CADM2: variants seen among roughly 807,000 people sequenced by gnomAD.
CADM2 encodes the protein immunoglobulin superfamily member 4D.
In CADM2, 12 loss-of-function variants were observed where a neutral mutation model predicts 49.8. That is an observed-to-expected ratio of 0.24 (90% confidence interval 0.15 to 0.39). The LOEUF (loss-of-function observed/expected upper bound fraction) is 0.39. CADM2 is among the 10% of genes least tolerant of loss of function. CADM2 has a pLI of 1.00. For missense variants in CADM2, 378 were observed against 492.3 expected, an observed-to-expected ratio of 0.77 and a Z score of 2.20; for synonymous variants, 214 against 175.4, an observed-to-expected ratio of 1.22 and a Z score of -1.74.
At chr3:85,256,020 T>C (rs1274912867) in intron 1 of CADM2, among the ~76,000 whole-genome samples, 4 of 152,102 alleles carry the variant, frequency 2.6e-5, no homozygotes, top group Non-Finnish European at 5.9e-5. Context: ...TGAGAATCAA[T>C]ACGCATCATC....
chr3:85,402,851 T>C (rs368947884), intron 1 of CADM2, among the ~76,000 whole-genome samples: 1 of 152,128 alleles, frequency 6.6e-6, no homozygotes, highest in South Asian at 2.1e-4. Context: ...GGGGAAAAAA[T>C]TGTGTTTCTC....
intron 1 of CADM2, among the ~76,000 whole-genome samples, chr3:85,423,133 G>A (rs889795826): frequency 6.6e-6 from 1 of 152,096 alleles, no homozygotes; most frequent in African/African-American, 2.4e-5. Context: ...CCATCCTAAG[G>A]CAGATTTCTT....
chr3:86,030,389 A>G (rs1039010081), intron 8 of CADM2, among the ~76,000 whole-genome samples: 2 of 152,040 alleles, frequency 1.3e-5, no homozygotes, highest in Non-Finnish European at 2.9e-5. Flanking sequence ...TTTCCCAAAG[A>G]AATACCTGGA....
At chr3:85,869,816 G>A (rs1344973981) in intron 3 of CADM2, among the ~76,000 whole-genome samples, 2 of 151,898 alleles carry the variant, frequency 1.3e-5, no homozygotes, top group East Asian at 1.9e-4. Context: ...CCGCCACCAC[G>A]GGGCCTGGCT....
At chr3:85,302,691 T>C (rs893566975) in intron 1 of CADM2, among the ~76,000 whole-genome samples, 4 of 151,980 alleles carry the variant, frequency 2.6e-5, no homozygotes, top group East Asian at 3.9e-4. Flanking sequence ...TGCGGCCATG[T>C]TTTCCTTAAC....
chr3:85,943,723 A>G (rs1335103442), intron 7 of CADM2, among the ~76,000 whole-genome samples: 1 of 151,942 alleles, frequency 6.6e-6, no homozygotes, highest in Non-Finnish European at 1.5e-5. Flanking sequence ...GGAACCAAAC[A>G]GAGCCCTCAG....
intron 1 of CADM2, among the ~76,000 whole-genome samples, chr3:85,583,687 C>CA: frequency 6.6e-6 from 1 of 152,004 alleles, no homozygotes; most frequent in East Asian, 1.9e-4. Context: ...ATCTGTAAAG[C>CA]AACAACCAAA....
intron 8 of CADM2, among the ~76,000 whole-genome samples, chr3:86,021,010 A>T (rs894648412): frequency 3.3e-5 from 5 of 152,024 alleles, no homozygotes; most frequent in African/African-American, 1.2e-4. Flanking sequence ...TTTTCTTTTG[A>T]GACAGAGTCT....
intron 1 of CADM2, among the ~76,000 whole-genome samples, chr3:85,215,381 A>G (rs995078647): frequency 6.6e-6 from 1 of 151,370 alleles, no homozygotes; most frequent in South Asian, 2.1e-4. Flanking sequence ...AAAAAAAAAA[A>G]AGAAAAAAAC....
At chr3:86,015,928 T>A (rs1316856985) in intron 8 of CADM2, among the ~76,000 whole-genome samples, 2 of 152,180 alleles carry the variant, frequency 1.3e-5, no homozygotes, top group Non-Finnish European at 2.9e-5. Flanking sequence ...AAAATAAGGA[T>A]TGTGGTTTAT....
At chr3:85,569,484 A>T (rs1323807451) in intron 1 of CADM2, among the ~76,000 whole-genome samples, 1 of 152,170 alleles carries the variant, frequency 6.6e-6, no homozygotes, top group African/African-American at 2.4e-5. Context: ...TACTCAGTTG[A>T]AGAAACTACC....
chr3:85,907,791 A>G (rs1172491546), intron 5 of CADM2, among the ~76,000 whole-genome samples: 1 of 151,932 alleles, frequency 6.6e-6, no homozygotes, highest in Non-Finnish European at 1.5e-5. Context: ...TACACCTGTA[A>G]TCCCAGCTAC....
chr3:86,001,373 A>G lies in CADM2; in HGVS notation c.970+39726A>G, dbSNP rs146454528. Among the ~76,000 whole-genome samples, 588 of 152,280 alleles carry G rather than the reference A, an allele frequency of 3.9e-3. 3 individuals are homozygous for G. Among genetic ancestry groups the G allele is most frequent in the Middle Eastern group, 0.017 (5 of 294 alleles). On this transcript the variant is annotated intron_variant, in intron 8 of 9. Coordinates refer to ENST00000383699, the MANE Select transcript of CADM2 (RefSeq NM_001167675.2). ...GTTCATGCCAGAAGAATATACAAAG[A>G]GCAGATAACATAGTCCTTAACTGAG...
rs72909249 is a variant in CADM2, at chr3:85,525,321, A to G, written c.62-201201A>G. Among the ~76,000 whole-genome samples the G allele has an allele frequency of 3.1e-3, 473 of 152,242 alleles. 6 individuals carry two copies. The highest frequency in any genetic ancestry group is 0.01 in the African/African-American group (434 of 41,528). ...CACATCTCTTACAATCAGTAAACCA[A>G]TCATGCTAGGTTATTTTCAACTAAA... On this transcript the variant is annotated intron_variant, in intron 1 of 9. Coordinates refer to ENST00000383699, the MANE Select transcript of CADM2 (RefSeq NM_001167675.2).
At chr3:85,638,453 C>G (rs2064587866) in intron 1 of CADM2, among the ~76,000 whole-genome samples, 1 of 151,972 alleles carries the variant, frequency 6.6e-6, no homozygotes, top group Non-Finnish European at 1.5e-5. Context: ...GTTATTTCCT[C>G]AAAGTTATGA....
intron 1 of CADM2, among the ~76,000 whole-genome samples, chr3:85,413,161 A>AAAAAAAAAT (rs1553720239): frequency 2.0e-4 from 22 of 108,508 alleles, no homozygotes; most frequent in African/African-American, 8.1e-4. Flanking sequence ...AAAAAAAAAA[A>AAAAAAAAAT]AATAATAATA....
At chr3:85,642,983 T>C (rs1358945349) in intron 1 of CADM2, among the ~76,000 whole-genome samples, 1 of 152,192 alleles carries the variant, frequency 6.6e-6, no homozygotes, top group Non-Finnish European at 1.5e-5. Context: ...GACATTATTT[T>C]TCATACCTTG....
intron 1 of CADM2, among the ~76,000 whole-genome samples, chr3:85,602,330 A>G (rs1389416384): frequency 6.6e-6 from 1 of 151,866 alleles, no homozygotes; most frequent in Non-Finnish European, 1.5e-5. Flanking sequence ...TAGGACCAAA[A>G]TTAACTAGCT....
chr3:85,818,504 T>A (rs1356028295), intron 3 of CADM2, among the ~76,000 whole-genome samples: 1 of 152,194 alleles, frequency 6.6e-6, no homozygotes, highest in Non-Finnish European at 1.5e-5. Flanking sequence ...AACCAAAATG[T>A]GCATTTCTAT....
Sources: gnomAD v4.1 joint callset for allele counts (sites outside exome capture counted in the v4.1 genomes callset) on GRCh38, gnomAD v4.1.1 for gene constraint, MANE v1.5 for transcripts, NCBI Gene and HGNC (gene_info 2026-07-23, HGNC 2026-07-21) for gene names.